The following DENND5B variants were observed in gnomAD, a reference collection of about 807,000 sequenced individuals.
The protein encoded by DENND5B is DENN domain containing 5B, also known as DENN domain-containing protein 5B.
In DENND5B, 34 loss-of-function variants were observed where a neutral mutation model predicts 140.6. The ratio of observed to expected loss-of-function variants is 0.24; its 90% confidence interval spans 0.18 to 0.32. The LOEUF is 0.32. Ranked by LOEUF, DENND5B falls within the 10% of genes least tolerant of loss-of-function variation. The pLI is 1.00. For synonymous variants in DENND5B, 551 were observed against 562.1 expected, an observed-to-expected ratio of 0.98 and a Z score of 0.28; for missense variants, 1,142 against 1,560.2, an observed-to-expected ratio of 0.73 and a Z score of 4.52.
intron 1 of DENND5B, among the ~76,000 whole-genome samples, chr12:31,555,440 C>T (rs976885078): frequency 6.6e-6 from 1 of 152,110 alleles, no homozygotes; most frequent in Non-Finnish European, 1.5e-5. Flanking sequence ...AGTACCTGGC[C>T]GTGTGAGGTG....
At chr12:31,393,060 C>T (rs1344292181) in intron 17 of DENND5B, among the ~76,000 whole-genome samples, 1 of 152,178 alleles carries the variant, frequency 6.6e-6, no homozygotes, top group African/African-American at 2.4e-5. Flanking sequence ...GCGCCTGTCA[C>T]AAAATGCTAG....
intron 1 of DENND5B, among the ~76,000 whole-genome samples, chr12:31,496,408 T>C (rs1946763155): frequency 6.6e-6 from 1 of 152,214 alleles, no homozygotes; most frequent in African/African-American, 2.4e-5. Context: ...GGTTCTCCAG[T>C]AACAAAATTA....
In DENND5B at chr12:31,397,473, G is replaced by A. The variant is rs373783402; in HGVS notation, c.3256+702C>T. On this transcript the variant is annotated intron_variant, in intron 17 of 20. Transcript: ENST00000389082. Reference sequence around the variant, plus strand: ...TGAGGCAGGAGAATCGTTTGAACCCGGGAGGCGGGGGTTGCAGTGAGCTGA... The same window carrying A: ...TGAGGCAGGAGAATCGTTTGAACCCAGGAGGCGGGGGTTGCAGTGAGCTGA... Among the ~76,000 whole-genome samples the A allele has an allele frequency of 4.4e-3, 650 of 146,866 alleles. 2 individuals carry two copies. Among genetic ancestry groups the A allele is most frequent in the Non-Finnish European group, 7.5e-3 (503 of 67,128 alleles).
At chr12:31,445,819 G>C (rs1204128289) in intron 6 of DENND5B, among the ~76,000 whole-genome samples, 5 of 151,924 alleles carry the variant, frequency 3.3e-5, no homozygotes, top group African/African-American at 1.2e-4. Context: ...AATAACCTGA[G>C]CAACATGGTG....
chr12:31,421,081 T>C (rs747329669), intron 11 of DENND5B, among the ~76,000 whole-genome samples: 7 of 152,180 alleles, frequency 4.6e-5, no homozygotes, highest in Non-Finnish European at 8.8e-5. Flanking sequence ...TCTCACTTCA[T>C]TGCCCAGGCT....
At chr12:31,540,885 G>A (rs992810672) in intron 1 of DENND5B, 4 of 382,130 alleles carry the variant, frequency 1.0e-5, no homozygotes, top group African/African-American at 8.4e-5. Flanking sequence ...AATAAAGAAT[G>A]CAGAAATAAA....
intron 4 of DENND5B, 70 bp from the exon 5 acceptor site, chr12:31,452,546 C>G: frequency 2.1e-6 from 3 of 1,460,226 alleles, no homozygotes; most frequent in Non-Finnish European, 1.8e-6. Flanking sequence ...TTCTTGCCAG[C>G]CAGCCACAGT....
intron 4 of DENND5B, among the ~76,000 whole-genome samples, chr12:31,455,419 A>T (rs984112325): frequency 6.6e-6 from 1 of 152,180 alleles, no homozygotes; most frequent in African/African-American, 2.4e-5. Flanking sequence ...CTGCTTAAGA[A>T]GGGCCCAAGC....
chr12:31,415,323 CAA>C, intron 12 of DENND5B, 42 bp downstream of exon 12: 1 of 1,480,864 alleles, frequency 6.8e-7, no homozygotes. Context: ...CAAAATACTT[CAA>C]AGTTATCACC....
chr12:31,451,218 C>A (rs1432535698), intron 5 of DENND5B, among the ~76,000 whole-genome samples: 1 of 152,048 alleles, frequency 6.6e-6, no homozygotes, highest in Non-Finnish European at 1.5e-5. Flanking sequence ...GCTTATTTAA[C>A]CATACTTGAT....
At position 31,479,924 on chromosome 12, in the gene DENND5B, T is replaced by C. The variant is rs1266073535; in HGVS notation, c.569A>G (p.Lys190Arg). The C allele has an allele frequency of 2.5e-6, 4 of 1,613,888 alleles. No individual in the cohort carries two copies. The African/African-American group carries it at 5.3e-5, about 22-fold the overall frequency. ...TAACGGTGTGATCAAGCATATACTT[T>C]TTGAAACATACAGGGTGTCTCTGCT... ...DISRDTLYVS[K>R]SICLITPLPF... Residue 190 changes from lysine to arginine, a missense_variant, in exon 3 of 21, where the codon AAA (lysine) becomes AGA (arginine). Transcript: ENST00000389082.
intron 9 of DENND5B, 98 bp from the exon 10 acceptor site, chr12:31,424,785 ACTT>A (rs1943163048): frequency 1.3e-5 from 19 of 1,467,452 alleles, no homozygotes; most frequent in Non-Finnish European, 1.5e-5. Flanking sequence ...CCTTCATTAT[ACTT>A]CTATTTGCAG....
At chr12:31,468,408 A>G (rs1034888115) in intron 3 of DENND5B, among the ~76,000 whole-genome samples, 1 of 152,142 alleles carries the variant, frequency 6.6e-6, no homozygotes. Context: ...TAAGCCCAAA[A>G]AAAGTAGTAG....
rs941309509 is a variant in DENND5B at position 31,385,389 on chromosome 12, C to G, written c.*2214G>C. The stretch of plus-strand genomic sequence containing the variant: ...TGTTCCCATCCACAAAGTAAGAAGG[C>G]TGGATGAGGTGTGTCAATCCTAGCA... On this transcript the variant is annotated 3_prime_UTR_variant, in exon 21 of 21. Coordinates refer to ENST00000389082, the MANE Select transcript of DENND5B (RefSeq NM_144973.4). 1 of 152,174 alleles carries G rather than the reference C, an allele frequency of 6.6e-6. No individual in the cohort carries two copies. Among genetic ancestry groups the G allele is most frequent in the Non-Finnish European group, 1.5e-5 (1 of 68,040 alleles). The allele number at this position is 152,174 out of a possible 1,614,324, so 9.4% of individuals were successfully genotyped here.
chr12:31,433,237 C>A lies in DENND5B; in HGVS notation c.2024G>T (p.Ser675Ile). 1 of 1,610,626 alleles carries A rather than the reference C, an allele frequency of 6.2e-7. No individual in the cohort carries two copies. The highest frequency in any genetic ancestry group is 8.5e-7 in the Non-Finnish European group (1 of 1,178,886). Residue 675 changes from serine to isoleucine, a missense_variant, in exon 8 of 21, where the codon AGT becomes ATT. Coordinates refer to ENST00000389082, the MANE Select transcript of DENND5B (RefSeq NM_144973.4). Reference protein sequence around the residue: ...TGPTSNNRWVSRSATAQRRKE... With the variant: ...TGPTSNNRWVIRSATAQRRKE... ...CCTGCGCTGTGCAGTGGCACTCCGA[C>A]TTACCCAGCGACTGAAACAATCAAA...
intron 1 of DENND5B, among the ~76,000 whole-genome samples, chr12:31,555,035 T>C (rs372149527): frequency 1.3e-5 from 2 of 152,248 alleles, no homozygotes; most frequent in East Asian, 3.8e-4. Flanking sequence ...AGTTTGATCA[T>C]CTGAAGCCTT....
At chr12:31,510,757 C>G (rs1947379018) in intron 1 of DENND5B, among the ~76,000 whole-genome samples, 1 of 152,168 alleles carries the variant, frequency 6.6e-6, no homozygotes, top group South Asian at 2.1e-4. Context: ...AAGCAACTCT[C>G]CCTATTTTAG....
chr12:31,460,677 A>G (rs1194318969), intron 3 of DENND5B, among the ~76,000 whole-genome samples: 1 of 152,224 alleles, frequency 6.6e-6, no homozygotes, highest in Admixed American at 6.5e-5. Flanking sequence ...AAGAACTAAT[A>G]AAACTGCTCT....
chr12:31,557,528 T>C (rs190658948), intron 1 of DENND5B, among the ~76,000 whole-genome samples: 34 of 152,072 alleles, frequency 2.2e-4, no homozygotes, highest in Admixed American at 1.5e-3. Flanking sequence ...ATTACAGGTA[T>C]GCACCAGCAC....
Sources: allele counts gnomAD v4.1 joint callset (sites outside exome capture counted in the v4.1 genomes callset), GRCh38; gene constraint gnomAD v4.1.1; transcripts MANE v1.5; gene names NCBI Gene and HGNC (gene_info 2026-07-23, HGNC 2026-07-21).